XKR3: variants seen among roughly 807,000 people sequenced by gnomAD.
The protein encoded by XKR3 is XK related 3, also known as XK-related protein 3.
XKR3 carries 27 observed loss-of-function variants against 40.3 expected under a neutral mutation model. That is an observed-to-expected ratio of 0.67 (90% CI 0.49 to 0.92). The LOEUF is 0.92. Ranked by LOEUF, XKR3 falls within the 40% of genes least tolerant of loss-of-function variation. The pLI is 0.00. For synonymous variants in XKR3, 193 were observed against 195.4 expected (o/e 0.99, Z 0.10); for missense variants, 472 against 537.6 (o/e 0.88, Z 1.21).
chr22:16,814,339 A>C (rs1465210858), intron 1 of XKR3, among the ~76,000 whole-genome samples: 9 of 152,162 alleles, frequency 5.9e-5, no homozygotes, highest in Non-Finnish European at 1.3e-4. Flanking sequence ...CACAGGTGGG[A>C]AGGCTTCTTT....
chr22:16,789,383 A>T (rs562505540), intron 3 of XKR3, among the ~76,000 whole-genome samples: 1 of 152,308 alleles, frequency 6.6e-6, no homozygotes, highest in East Asian at 1.9e-4. Context: ...TCTACAAAAA[A>T]AACCTCAAGA....
At chr22:16,813,996 G>A (rs1031013670) in intron 1 of XKR3, among the ~76,000 whole-genome samples, 11 of 152,096 alleles carry the variant, frequency 7.2e-5, no homozygotes, top group African/African-American at 2.7e-4. Context: ...CTCCCATAGT[G>A]TCATTTTACT....
At chr22:16,801,756 C>T (rs1385220584) in intron 2 of XKR3, among the ~76,000 whole-genome samples, 1 of 148,726 alleles carries the variant, frequency 6.7e-6, no homozygotes, top group Non-Finnish European at 1.5e-5. Flanking sequence ...TCAGAAGAAA[C>T]ATTTCAATGC....
At chr22:16,816,222 G>A (rs183677084) in intron 1 of XKR3, among the ~76,000 whole-genome samples, 1 of 151,606 alleles carries the variant, frequency 6.6e-6, no homozygotes, top group African/African-American at 2.4e-5. Flanking sequence ...AAGATTTTCT[G>A]TCTCTGCCTT....
At chr22:16,813,119 C>T (rs1382736703) in intron 1 of XKR3, among the ~76,000 whole-genome samples, 1 of 152,004 alleles carries the variant, frequency 6.6e-6, no homozygotes. Flanking sequence ...CCCGTCTCTA[C>T]TAAAAATACA....
intron 3 of XKR3, among the ~76,000 whole-genome samples, chr22:16,797,037 C>G (rs1345029771): frequency 6.6e-6 from 1 of 152,184 alleles, no homozygotes; most frequent in Admixed American, 6.5e-5. Context: ...ACCATCTGAT[C>G]TTTGACAAGG....
At chr22:16,814,850 ATTT>A (rs1351037485) in intron 1 of XKR3, among the ~76,000 whole-genome samples, 1 of 151,070 alleles carries the variant, frequency 6.6e-6, no homozygotes, top group East Asian at 1.9e-4. Context: ...ATTAGTTCTG[ATTT>A]ATCAGAATTT....
intron 1 of XKR3, among the ~76,000 whole-genome samples, chr22:16,810,658 C>A (rs538373252): frequency 1.1e-4 from 16 of 152,242 alleles, no homozygotes; most frequent in African/African-American, 3.9e-4. Flanking sequence ...AAGATCAACA[C>A]TATTTATATA....
intron 1 of XKR3, among the ~76,000 whole-genome samples, chr22:16,820,327 A>G (rs874835): frequency 0.44 from 67,605 of 152,006 alleles, 15,383 homozygotes; most frequent in Non-Finnish European, 0.46. Flanking sequence ...GACTATTAGC[A>G]GGTATAATTG....
intron 3 of XKR3, among the ~76,000 whole-genome samples, chr22:16,796,478 T>A (rs1216381909): frequency 2.0e-5 from 3 of 152,108 alleles, no homozygotes; most frequent in Non-Finnish European, 4.4e-5. Flanking sequence ...GCAAACTGGA[T>A]CTCACAGTGC....
Position 16,784,233 on chromosome 22 carries a change from A to G in XKR3, c.766T>C (p.Phe256Leu). Residue 256 changes from phenylalanine to leucine, a missense_variant, in exon 4 of 4, where the codon TTC becomes CTC. Transcript: ENST00000684488. ...VISRVVTLAF[F>L]IASLKLKSLP... ...CTCTTCAGTTTCAGAGATGCAATGA[A>G]AAATGCCAGAGTCACTACACGTGAG... The G allele has an allele frequency of 6.2e-7, 1 of 1,614,196 alleles. No homozygotes were observed. Among genetic ancestry groups the G allele is most frequent in the Non-Finnish European group, 8.5e-7 (1 of 1,180,032 alleles).
At chr22:16,816,542 C>A (rs922022710) in intron 1 of XKR3, among the ~76,000 whole-genome samples, 1 of 151,582 alleles carries the variant, frequency 6.6e-6, no homozygotes, top group Admixed American at 6.6e-5. Context: ...TTCCTACGTA[C>A]CATTTTAATT....
At chr22:16,789,231 A>G (rs2060103867) in intron 3 of XKR3, among the ~76,000 whole-genome samples, 2 of 152,180 alleles carry the variant, frequency 1.3e-5, no homozygotes, top group Non-Finnish European at 1.5e-5. Flanking sequence ...AAAATTTTCC[A>G]TATTTCCTAA....
At chr22:16,812,405 G>A (rs56043501) in intron 1 of XKR3, among the ~76,000 whole-genome samples, 30,801 of 152,058 alleles carry the variant, frequency 0.2, 3,689 homozygotes, top group Middle Eastern at 0.3. Flanking sequence ...TGCTGGGCGC[G>A]GTGGCTCACG....
chr22:16,793,391 T>A (rs2060128567), intron 3 of XKR3, among the ~76,000 whole-genome samples: 1 of 152,214 alleles, frequency 6.6e-6, no homozygotes, highest in African/African-American at 2.4e-5. Context: ...AATGTACACT[T>A]ACATATTCCC....
chr22:16,785,346 T>C (rs1327952720), intron 3 of XKR3, among the ~76,000 whole-genome samples: 4 of 151,554 alleles, frequency 2.6e-5, no homozygotes, highest in African/African-American at 9.7e-5. Context: ...AAGAAGTGTG[T>C]GTGTGCATGT....
At position 16,815,785 on chromosome 22, in the gene XKR3, G is replaced by A. The variant is rs193149034; in HGVS notation, c.-10-7702C>T. ...ATATTAATCACCTCTCACTACAATT[G>A]TGATTTGTCAATATAAATAAATATC... On this transcript the variant is annotated intron_variant, in intron 1 of 3. Transcript: ENST00000684488. Among the ~76,000 whole-genome samples, 38 of 151,962 alleles carry A rather than the reference G, an allele frequency of 2.5e-4. No homozygotes were observed. In the East Asian group the frequency reaches 6.6e-3, roughly 26 times the overall value.
At chr22:16,811,699 C>T (rs2060213360) in intron 1 of XKR3, among the ~76,000 whole-genome samples, 1 of 152,034 alleles carries the variant, frequency 6.6e-6, no homozygotes, top group Admixed American at 6.6e-5. Flanking sequence ...CTGAACTTCA[C>T]TTTCTTATTA....
chr22:16,784,501 T>G, intron 3 of XKR3, 92 bp from the exon 4 acceptor site: 1 of 1,153,300 alleles, frequency 8.7e-7, no homozygotes, highest in Non-Finnish European at 1.2e-6. Context: ...GATATATTCT[T>G]CCTCACCCAC....
Sources: gnomAD v4.1 joint callset for allele counts (sites outside exome capture counted in the v4.1 genomes callset) on GRCh38, gnomAD v4.1.1 for gene constraint, MANE v1.5 for transcripts, NCBI Gene and HGNC (gene_info 2026-07-23, HGNC 2026-07-21) for gene names.